Variants in ERICH6 observed in about 807,000 individuals in gnomAD.
The protein encoded by ERICH6 is glutamate-rich protein 6.
Under a neutral mutation model 71.0 loss-of-function variants are expected in ERICH6, and 71 were observed. The observed-to-expected ratio is 1.00, with a 90% CI of 0.83 to 1.22. ERICH6 has a LOEUF of 1.22. Among genes scored for constraint, ERICH6 ranks in the 50% most tolerant of loss-of-function variants. The pLI is 0.00. For missense variants in ERICH6, 808 were observed against 797.2 expected, an observed-to-expected ratio of 1.01 and a Z score of -0.16; for synonymous variants, 262 against 278.4, an observed-to-expected ratio of 0.94 and a Z score of 0.59.
rs748521874 is a variant in ERICH6, at chr3:150,703,683, C to T, written c.216G>A (p.Thr72=). The T allele has an allele frequency of 1.2e-6, 2 of 1,612,564 alleles. No individual in the cohort carries two copies. Among genetic ancestry groups the T allele is most frequent in the Admixed American group, 3.3e-5 (2 of 59,890 alleles). ...CCTTCCAGAGGTACTCTTCGCTGAA[C>T]GTCTCAGGGGCCTCCAACTCCTGCT... is the stretch of plus-strand genomic sequence containing the variant. ...GEEQELEAPE[T]FSEEYLWKVT... is the part of the protein sequence containing the mutation. Residue 72 remains threonine, a synonymous_variant, in exon 1 of 14, where the codon ACG becomes ACA. Transcript: ENST00000295910.
At chr3:150,669,272 A>G (rs17215176) in intron 12 of ERICH6, 24 bp downstream of exon 12, 130,370 of 1,555,170 alleles carry the variant, frequency 0.084, 6,037 homozygotes, top group Non-Finnish European at 0.094. Flanking sequence ...ACAAAATGGC[A>G]GCAGCAGGAA....
chr3:150,675,842 ATTCT>A (rs1711629807), intron 10 of ERICH6, among the ~76,000 whole-genome samples: 1 of 134,624 alleles, frequency 7.4e-6, no homozygotes. Context: ...ACTTCTAATA[ATTCT>A]TTCTTTCTTT....
At chr3:150,685,300 C>A (rs1449017499) in intron 6 of ERICH6, among the ~76,000 whole-genome samples, 1 of 152,192 alleles carries the variant, frequency 6.6e-6, no homozygotes, top group Non-Finnish European at 1.5e-5. Context: ...CCAAATCCAA[C>A]TGGACTTGGT....
At chr3:150,681,662 A>G (rs1169449938) in intron 7 of ERICH6, among the ~76,000 whole-genome samples, 3 of 152,198 alleles carry the variant, frequency 2.0e-5, no homozygotes, top group Non-Finnish European at 4.4e-5. Flanking sequence ...ATTCCACCTC[A>G]GCAGTACATG....
At position 150,703,680 on chromosome 3, in the gene ERICH6, G is replaced by A; in HGVS notation, c.219C>T (p.Phe73=). 1 of 1,612,338 alleles carries A rather than the reference G, an allele frequency of 6.2e-7. No homozygotes were observed. Among genetic ancestry groups the A allele is most frequent in the Non-Finnish European group, 8.5e-7 (1 of 1,179,254 alleles). ...EEQELEAPET[F]SEEYLWKVTD... The stretch of plus-strand genomic sequence containing the variant: ...TGACCTTCCAGAGGTACTCTTCGCT[G>A]AACGTCTCAGGGGCCTCCAACTCCT... Residue 73 remains phenylalanine, a synonymous_variant, in exon 1 of 14, where the codon TTC becomes TTT. Transcript: ENST00000295910.
intron 1 of ERICH6, 99 bp downstream of exon 1, chr3:150,703,397 C>T: frequency 6.9e-7 from 1 of 1,445,298 alleles, no homozygotes; most frequent in Non-Finnish European, 9.1e-7. Flanking sequence ...AAATCAGGCA[C>T]GACGCGCAGG....
At chr3:150,702,723 G>C (rs1559923619) in intron 1 of ERICH6, among the ~76,000 whole-genome samples, 1 of 151,752 alleles carries the variant, frequency 6.6e-6, no homozygotes, top group East Asian at 1.9e-4. Context: ...GTCAACACTA[G>C]AGCTTGAGAA....
intron 2 of ERICH6, among the ~76,000 whole-genome samples, chr3:150,699,235 C>T (rs944922548): frequency 6.6e-6 from 1 of 152,158 alleles, no homozygotes; most frequent in Non-Finnish European, 1.5e-5. Flanking sequence ...GGCTTGAGCC[C>T]AGGAAGTGGA....
intron 3 of ERICH6, 89 bp from the exon 4 acceptor site, chr3:150,686,443 T>C: frequency 9.7e-7 from 1 of 1,028,080 alleles, no homozygotes; most frequent in South Asian, 1.4e-5. Flanking sequence ...GAAAAATAAC[T>C]ACCCTTACTA....
chr3:150,669,433 TAG>T lies in ERICH6; in HGVS notation c.1360_1361del (p.Leu454SerfsTer23). ...TTQIFYPSGN[L>X]AIIRVPNKVN... Reference sequence around the variant, plus strand: ...CCTTGTTGGGCACTCGAATGATGGCTAGGTTTCCAGATGGATAGCTGAGATCA... The same window carrying T: ...CCTTGTTGGGCACTCGAATGATGGCTGTTTCCAGATGGATAGCTGAGATCA... On this transcript the variant is annotated frameshift_variant, in exon 12 of 14. Coordinates refer to ENST00000295910, the MANE Select transcript of ERICH6 (RefSeq NM_152394.5). LOFTEE classifies it high-confidence loss of function. The T allele has an allele frequency of 6.2e-7, 1 of 1,613,666 alleles. No individual in the cohort carries two copies. The highest frequency in any genetic ancestry group is 8.5e-7 in the Non-Finnish European group (1 of 1,179,854).
At chr3:150,680,413 C>G in intron 9 of ERICH6, 55 bp downstream of exon 9, 1 of 1,562,354 alleles carries the variant, frequency 6.4e-7, no homozygotes, top group Non-Finnish European at 8.8e-7. Flanking sequence ...GGTTAAACAT[C>G]TGAGCTTTCT....
Position 150,669,350 on chromosome 3 carries a change from G to A in ERICH6, c.1445C>T (p.Ala482Val). 2 of 1,613,764 alleles carry A rather than the reference G, an allele frequency of 1.2e-6. No individual in the cohort carries two copies. Among genetic ancestry groups the A allele is most frequent in the South Asian group, 2.2e-5 (2 of 90,986 alleles). Residue 482 changes from alanine (A) to valine (V), a missense_variant, in exon 12 of 14, where the codon GCA becomes GTA. Around this residue, in one of 3 missense-constraint regions of ERICH6, gnomAD observed 736 missense variants for 712.2 expected, o/e 1.03. Transcript: ENST00000295910. ...EDMPTNPAIL[A>V]VLDSSGRSSC... is the part of the protein sequence containing the mutation. ...ACTTCTGCCAGAGGAATCCAGCACT[G>A]CTAGGATAGCAGGGTTAGTGGGCAT...
At chr3:150,679,457 T>C (rs1711807164) in intron 9 of ERICH6, among the ~76,000 whole-genome samples, 1 of 152,126 alleles carries the variant, frequency 6.6e-6, no homozygotes, top group South Asian at 2.1e-4. Flanking sequence ...TAAGTATCTT[T>C]TCAGTAGCTC....
At chr3:150,686,461 T>A (rs1169436370) in intron 3 of ERICH6, 107 bp from the exon 4 acceptor site, 10 of 902,868 alleles carry the variant, frequency 1.1e-5, no homozygotes, top group Non-Finnish European at 1.7e-5. Context: ...CTATGTTTCT[T>A]TTATCTTTTA....
chr3:150,690,787 G>A (rs1020154974), intron 3 of ERICH6, among the ~76,000 whole-genome samples: 5 of 152,058 alleles, frequency 3.3e-5, no homozygotes, highest in African/African-American at 1.2e-4. Flanking sequence ...TTGACATAGG[G>A]GTTACAAAAC....
In ERICH6 at chr3:150,703,814, C is replaced by G. The variant is rs945574476; in HGVS notation, c.85G>C (p.Glu29Gln). Reference sequence around the variant, plus strand: ...TCCTCCTCCACCTCTTCCTCCTCCTCCTCCTCCTCTAACTCCTCCTCTGAC... The same window carrying G: ...TCCTCCTCCACCTCTTCCTCCTCCTGCTCCTCCTCTAACTCCTCCTCTGAC... The part of the protein sequence containing the change: ...KESEEELEEE[E>Q]EEEEVEEEEE... The change falls in exon 1 of 14, where the codon GAG becomes CAG. Residue 29 changes from glutamate (E) to glutamine (Q), a missense_variant. Around this residue, in one of 3 missense-constraint regions of ERICH6, gnomAD observed 53 missense variants for 40.6 expected, o/e 1.30. Coordinates refer to ENST00000295910, the MANE Select transcript of ERICH6 (RefSeq NM_152394.5). 6 of 1,613,728 alleles carry G rather than the reference C, an allele frequency of 3.7e-6. No individual in the cohort carries two copies. The highest frequency in any genetic ancestry group is 5.1e-6 in the Non-Finnish European group (6 of 1,179,838).
intron 13 of ERICH6, among the ~76,000 whole-genome samples, chr3:150,664,399 G>A (rs773509368): frequency 2.0e-5 from 3 of 151,892 alleles, no homozygotes; most frequent in Admixed American, 6.6e-5. Flanking sequence ...CTATAATCTC[G>A]GCATTTTGGG....
chr3:150,680,389 C>A, intron 9 of ERICH6, 79 bp downstream of exon 9: 1 of 1,401,366 alleles, frequency 7.1e-7, no homozygotes, highest in Admixed American at 1.7e-5. Context: ...TTAAATACAC[C>A]CATTTCATCT....
At chr3:150,678,375 A>G in intron 10 of ERICH6, 34 bp downstream of exon 10, 1 of 1,528,128 alleles carries the variant, frequency 6.5e-7, no homozygotes, top group East Asian at 2.4e-5. Flanking sequence ...GGTTTTTTTT[A>G]AAATAGCAAG....
Sources: allele counts gnomAD v4.1 joint callset (sites outside exome capture counted in the v4.1 genomes callset), GRCh38; gene constraint gnomAD v4.1.1; regional missense constraint gnomAD v4.1.1; transcripts MANE v1.5; gene names NCBI Gene and HGNC (gene_info 2026-07-23, HGNC 2026-07-21).